FMN2: variants seen among roughly 807,000 people sequenced by gnomAD.
FMN2 encodes the protein formin 2.
A neutral mutation model predicts 142.3 loss-of-function variants in FMN2; 51 were observed. The ratio of observed to expected loss-of-function variants is 0.36; its 90% CI spans 0.29 to 0.45. The LOEUF (loss-of-function observed/expected upper bound fraction) is 0.45. Ranked by LOEUF, FMN2 falls within the 20% of genes least tolerant of loss-of-function variation. FMN2 has a pLI of 1.00. For missense variants in FMN2, 1,936 were observed against 2,122.8 expected (o/e 0.91, Z 1.73); for synonymous variants, 882 against 869.8 (o/e 1.01, Z -0.25).
intron 16 of FMN2, among the ~76,000 whole-genome samples, chr1:240,448,647 C>G (rs1344836085): frequency 1.3e-5 from 2 of 152,112 alleles, no homozygotes; most frequent in African/African-American, 4.8e-5. Flanking sequence ...GAGACCCTGT[C>G]TCTACAAAAA....
At chr1:240,199,107 AAAAC>A (rs140171888) in intron 4 of FMN2, among the ~76,000 whole-genome samples, 37,912 of 151,746 alleles carry the variant, frequency 0.25, 5,246 homozygotes, top group African/African-American at 0.37. Flanking sequence ...TCCGTCTCAA[AAAAC>A]AAACAAACAA....
At chr1:240,384,012 G>A (rs1673317954) in intron 14 of FMN2, among the ~76,000 whole-genome samples, 1 of 152,014 alleles carries the variant, frequency 6.6e-6, no homozygotes, top group Admixed American at 6.6e-5. Flanking sequence ...CATGGATGCA[G>A]CTGAAGGCTA....
chr1:240,157,809 A>C (rs1664085535), intron 2 of FMN2, among the ~76,000 whole-genome samples: 1 of 152,060 alleles, frequency 6.6e-6, no homozygotes, highest in African/African-American at 2.4e-5. Context: ...TTTTTTAAAA[A>C]AATGACTAAA....
At chr1:240,191,839 A>C (rs1665711693) in intron 4 of FMN2, among the ~76,000 whole-genome samples, 1 of 152,190 alleles carries the variant, frequency 6.6e-6, no homozygotes, top group African/African-American at 2.4e-5. Context: ...GCTGGAAGGG[A>C]AATAGAATAA....
At chr1:240,193,517 G>A (rs1373448740) in intron 4 of FMN2, among the ~76,000 whole-genome samples, 1 of 152,216 alleles carries the variant, frequency 6.6e-6, no homozygotes, top group African/African-American at 2.4e-5. Flanking sequence ...TGGATAGATG[G>A]AGGGAAGAAG....
intron 6 of FMN2, among the ~76,000 whole-genome samples, chr1:240,218,956 G>T (rs546864392): frequency 6.6e-6 from 1 of 152,272 alleles, no homozygotes; most frequent in Non-Finnish European, 1.5e-5. Flanking sequence ...ATATAGGCTG[G>T]ACTTGGGATA....
At chr1:240,408,603 G>A (rs2103121666) in intron 15 of FMN2, among the ~76,000 whole-genome samples, 1 of 151,972 alleles carries the variant, frequency 6.6e-6, no homozygotes, top group African/African-American at 2.4e-5. Flanking sequence ...ATTCAATGAT[G>A]GTTGAAAGTA....
chr1:240,204,527 G>A (rs556056012), intron 4 of FMN2, among the ~76,000 whole-genome samples: 305 of 152,356 alleles, frequency 2.0e-3, no homozygotes, highest in Admixed American at 4.4e-3. Context: ...GAGGTGCGTG[G>A]ATCACCTGAG....
intron 15 of FMN2, among the ~76,000 whole-genome samples, chr1:240,405,656 A>G (rs915178076): frequency 6.6e-6 from 1 of 152,128 alleles, no homozygotes. Context: ...CTGTAGTATC[A>G]TGTTCCAGAT....
At chr1:240,278,296 C>T (rs77646459) in intron 7 of FMN2, among the ~76,000 whole-genome samples, 4,292 of 152,258 alleles carry the variant, frequency 0.028, 87 homozygotes, top group Non-Finnish European at 0.047. Flanking sequence ...GCACATAGCA[C>T]AAGGTCTGGG....
intron 4 of FMN2, among the ~76,000 whole-genome samples, chr1:240,194,235 G>A (rs1665827661): frequency 6.6e-6 from 1 of 152,054 alleles, no homozygotes; most frequent in Non-Finnish European, 1.5e-5. Context: ...TTTCAGGAGT[G>A]GTAGAACATT....
rs189851626 is a variant in FMN2 at position 240,145,885 on chromosome 1, T to C, written c.1782+22540T>C. Among the ~76,000 whole-genome samples, 179 of 152,228 alleles carry C rather than the reference T, an allele frequency of 1.2e-3. 5 individuals are homozygous for C. In the South Asian group the frequency reaches 0.028, roughly 24 times the overall value. ...GGGTCGAGGCAGAAATCTTGCATTA[T>C]GTGTGTTAGAATGCTACAACATTTG... On this transcript the variant is annotated intron_variant, in intron 2 of 17. Coordinates refer to ENST00000319653, the MANE Select transcript of FMN2 (RefSeq NM_020066.5).
At chr1:240,162,257 A>C (rs1664310860) in intron 2 of FMN2, among the ~76,000 whole-genome samples, 1 of 152,122 alleles carries the variant, frequency 6.6e-6, no homozygotes, top group South Asian at 2.1e-4. Context: ...CAGGGTCAGG[A>C]GTTCGAGACC....
At chr1:240,356,312 A>G (rs1672271145) in intron 14 of FMN2, among the ~76,000 whole-genome samples, 1 of 152,176 alleles carries the variant, frequency 6.6e-6, no homozygotes, top group Non-Finnish European at 1.5e-5. Context: ...GCTTGTCAAA[A>G]CATTGTACCC....
chr1:240,093,912 G>A (rs1387973280), intron 1 of FMN2, among the ~76,000 whole-genome samples, 188 bp downstream of exon 1: 1 of 152,172 alleles, frequency 6.6e-6, no homozygotes, highest in African/African-American at 2.4e-5. Context: ...CATACTTGTT[G>A]GTTTTCTGTG....
intron 8 of FMN2, among the ~76,000 whole-genome samples, chr1:240,323,798 A>G (rs1041616555): frequency 1.3e-5 from 2 of 151,648 alleles, no homozygotes; most frequent in Non-Finnish European, 2.9e-5. Flanking sequence ...CTGTTTCTTG[A>G]TAGGTGAGCC....
At chr1:240,455,751 G>T (rs952656790) in intron 16 of FMN2, among the ~76,000 whole-genome samples, 1 of 152,040 alleles carries the variant, frequency 6.6e-6, no homozygotes, top group African/African-American at 2.4e-5. Context: ...TGAGGAGGGT[G>T]GAGCACCTGA....
At chr1:240,436,978 C>T (rs1394767442) in intron 15 of FMN2, among the ~76,000 whole-genome samples, 1 of 152,174 alleles carries the variant, frequency 6.6e-6, no homozygotes, top group Non-Finnish European at 1.5e-5. Flanking sequence ...GCATCTCTGA[C>T]CTTTCTCTAA....
intron 2 of FMN2, among the ~76,000 whole-genome samples, chr1:240,166,909 G>A (rs1664504367): frequency 6.6e-6 from 1 of 152,126 alleles, no homozygotes; most frequent in Non-Finnish European, 1.5e-5. Flanking sequence ...ATAACCTGAG[G>A]TCAGGAGTTC....
Sources: gnomAD v4.1 joint callset for allele counts (sites outside exome capture counted in the v4.1 genomes callset) on GRCh38, gnomAD v4.1.1 for gene constraint, MANE v1.5 for transcripts, NCBI Gene and HGNC (gene_info 2026-07-23, HGNC 2026-07-21) for gene names.